The following BRAF variants were observed in gnomAD, a reference collection of about 807,000 sequenced individuals.
The protein encoded by BRAF is serine/threonine-protein kinase B-raf.
BRAF carries 16 observed loss-of-function variants against 104.6 expected under a neutral mutation model. The ratio of observed to expected loss-of-function variants is 0.15; its 90% CI spans 0.10 to 0.23. The LOEUF is 0.23. Ranked by LOEUF, BRAF falls within the 10% of genes least tolerant of loss-of-function variation. The pLI is 1.00. For synonymous variants in BRAF, 310 were observed against 341.6 expected, an observed-to-expected ratio of 0.91 and a Z score of 1.02; for missense variants, 541 against 937.3, an observed-to-expected ratio of 0.58 and a Z score of 5.52.
At chr7:140,833,695 AG>A (rs1562984862) in intron 3 of BRAF, among the ~76,000 whole-genome samples, 1 of 152,206 alleles carries the variant, frequency 6.6e-6, no homozygotes, top group Non-Finnish European at 1.5e-5. Flanking sequence ...GGGCAGAAAA[AG>A]TATGACTTTT....
intron 15 of BRAF, 79 bp from the exon 15 acceptor site, chr7:140,753,472 G>C (rs2128998725): frequency 1.1e-6 from 1 of 920,202 alleles, no homozygotes; most frequent in Non-Finnish European, 1.8e-6. Context: ...TTAGGTAAGA[G>C]ATCTAATTTC....
chr7:140,829,089 T>G (rs1806403711), intron 3 of BRAF, among the ~76,000 whole-genome samples: 1 of 152,130 alleles, frequency 6.6e-6, no homozygotes, highest in South Asian at 2.1e-4. Context: ...TCTTGCCAAT[T>G]TTGAAGTGTT....
intron 1 of BRAF, among the ~76,000 whole-genome samples, chr7:140,864,617 C>G (rs2129086293): frequency 6.6e-6 from 1 of 152,148 alleles, no homozygotes; most frequent in Middle Eastern, 3.4e-3. Context: ...AAGAAAGAAA[C>G]AGACACTGAG....
intron 14 of BRAF, among the ~76,000 whole-genome samples, chr7:140,769,736 C>T (rs1009063950): frequency 6.6e-6 from 1 of 151,732 alleles, no homozygotes; most frequent in African/African-American, 2.4e-5. Flanking sequence ...AAAAAATGTC[C>T]TTAATGTTTT....
rs182977424 is a variant in BRAF, at chr7:140,750,417, C to A, written c.1981-999G>T. ...GAGAATGACCCGCGGAGCCTTAAAC[C>A]CCTCAACGTCCAGACTACACTCCAG... On this transcript the variant is annotated intron_variant, in intron 16 of 19. Transcript: ENST00000644969. 1.5e-3 allele frequency among the ~76,000 whole-genome samples: 231 copies of A among 152,224 alleles called. 1 individual carries two copies. Among genetic ancestry groups the A allele is most frequent in the African/African-American group, 5.2e-3 (216 of 41,510 alleles).
chr7:140,735,889 A>T (rs1220232967), intron 18 of BRAF, among the ~76,000 whole-genome samples: 1 of 152,068 alleles, frequency 6.6e-6, no homozygotes, highest in East Asian at 1.9e-4. Context: ...AATTTTTTTT[A>T]AAAAGTAATC....
rs2129043661 is a variant in BRAF, at chr7:140,800,410, G to A, written c.932C>T (p.Ala311Val). 1.2e-6 allele frequency: 2 copies of A among 1,614,190 alleles called. No homozygotes were observed. Among genetic ancestry groups the A allele is most frequent in the Non-Finnish European group, 1.7e-6 (2 of 1,180,034 alleles). Reference protein sequence around the residue: ...PQEEASLAETALTSGSSPSAP... With the variant: ...PQEEASLAETVLTSGSSPSAP... ...GGAAGGGGATGATCCAGATGTTAGG[G>A]CAGTCTCTGCTAAGGACGCCTCTTC... Residue 311 changes from alanine to valine, a missense_variant, in exon 7 of 20, where the codon GCC becomes GTC. Physicochemically the swap from Ala to Val is moderately conservative, Grantham distance 64. This residue lies in a region of BRAF where 79 missense variants were observed against 74.6 expected (regional missense o/e 1.06). Coordinates refer to ENST00000644969, the MANE Select transcript of BRAF (RefSeq NM_001374258.1).
At chr7:140,775,403 A>G (rs192209855) in intron 14 of BRAF, among the ~76,000 whole-genome samples, 100 of 149,330 alleles carry the variant, frequency 6.7e-4, no homozygotes, top group African/African-American at 2.3e-3. Context: ...GCTGGAGTGC[A>G]ATGGTGTGAT....
chr7:140,720,963 A>G lies in BRAF; in HGVS notation c.*5531T>C. On this transcript the variant is annotated 3_prime_UTR_variant, in exon 20 of 20. Transcript: ENST00000644969. ...AGAACCAGCGGTCACGGTGCTGGAG[A>G]ATGAACTCGGCTGGCCGGGAGAAGC... is the stretch of plus-strand genomic sequence containing the variant. 4 of 1,065,140 alleles carry G rather than the reference A, an allele frequency of 3.8e-6. No homozygotes were observed. Among genetic ancestry groups the G allele is most frequent in the Non-Finnish European group, 4.5e-6 (4 of 879,208 alleles). The allele number at this position is 1,065,140 out of a possible 1,614,324, so 66.0% of individuals were successfully genotyped here. A position where few individuals can be genotyped will look rare whatever the true frequency, so the allele number is the denominator to read the frequency against.
At chr7:140,736,389 G>A (rs1796434042) in intron 18 of BRAF, among the ~76,000 whole-genome samples, 1 of 149,644 alleles carries the variant, frequency 6.7e-6, no homozygotes, top group Admixed American at 6.7e-5. Context: ...CTTTTTTTAT[G>A]TATAAAAATA....
intron 1 of BRAF, among the ~76,000 whole-genome samples, chr7:140,901,680 T>A (rs943181728): frequency 6.6e-6 from 1 of 152,170 alleles, no homozygotes; most frequent in Non-Finnish European, 1.5e-5. Context: ...CTAAATAAGG[T>A]TTAATTACTC....
intron 17 of BRAF, chr7:140,741,024 C>T (rs1176098865): frequency 3.9e-5 from 6 of 152,146 alleles, no homozygotes. Flanking sequence ...GTTGGAGCAA[C>T]AAGTGACAAG....
At chr7:140,880,975 C>A (rs1260346519) in intron 1 of BRAF, among the ~76,000 whole-genome samples, 3 of 152,058 alleles carry the variant, frequency 2.0e-5, no homozygotes, top group Non-Finnish European at 4.4e-5. Context: ...AAAAAGCACA[C>A]ACACATAGAA....
intron 19 of BRAF, chr7:140,731,806 CTCA>C (rs1041107093): frequency 4.6e-5 from 7 of 152,092 alleles, no homozygotes; most frequent in African/African-American, 1.7e-4. Flanking sequence ...AATCTTTTTC[CTCA>C]TCATTGATTA....
chr7:140,863,165 A>ATATAAATTTATAAAG (rs1810594281), intron 1 of BRAF, among the ~76,000 whole-genome samples: 1 of 152,208 alleles, frequency 6.6e-6, no homozygotes, highest in Non-Finnish European at 1.5e-5. Context: ...ATAAAGATAA[A>ATATAAATTTATAAAG]ACAAATGATT....
Position 140,720,590 on chromosome 7 carries a change from T to C in BRAF, c.*5904A>G, listed in dbSNP as rs1585883957. 1.5e-5 allele frequency: 16 copies of C among 1,065,672 alleles called. No homozygotes were observed. Among genetic ancestry groups the C allele is most frequent in the Non-Finnish European group, 1.8e-5 (16 of 879,550 alleles). 66.0% of individuals were successfully genotyped at this position (1,065,672 alleles called of 1,614,324 possible). A position where few individuals can be genotyped will look rare whatever the true frequency, so the allele number is the denominator to read the frequency against. ...ATAAAAAGCATACTTATTGCACTCT[T>C]ACATTTGATTTCAGGTAATTACAGT... On this transcript the variant is annotated 3_prime_UTR_variant, in exon 20 of 20. Coordinates refer to ENST00000644969, the MANE Select transcript of BRAF (RefSeq NM_001374258.1).
rs1257724827 is a variant in BRAF at position 140,774,429 on chromosome 7, T to C, written c.1814+2483A>G. On this transcript the variant is annotated intron_variant, in intron 14 of 19. Coordinates refer to ENST00000644969, the MANE Select transcript of BRAF (RefSeq NM_001374258.1). ...TTCAGACTGCAGCACTATTCCAATT[T>C]GATAATGTTCTTCTTTACTGTTACT... Among the ~76,000 whole-genome samples, 2 of 152,208 alleles carry C rather than the reference T, an allele frequency of 1.3e-5. 1 individual carries two copies. Among genetic ancestry groups the C allele is most frequent in the Non-Finnish European group, 2.9e-5 (2 of 68,024 alleles).
rs567956180 is a variant in BRAF, at chr7:140,824,723, T to C, written c.504+9886A>G. Among the ~76,000 whole-genome samples the C allele has an allele frequency of 2.0e-5, 3 of 151,674 alleles. No homozygotes were observed. The South Asian group carries it at 6.3e-4, about 32-fold the overall frequency. On this transcript the variant is annotated intron_variant, in intron 3 of 19. Coordinates refer to ENST00000644969, the MANE Select transcript of BRAF (RefSeq NM_001374258.1). ...TAAACTGCCAAATTTTATTCCAAAG[T>C]GGTTGTACCAATTAAACACTCCTAT...
At chr7:140,758,747 G>A (rs959505786) in intron 14 of BRAF, among the ~76,000 whole-genome samples, 1 of 152,182 alleles carries the variant, frequency 6.6e-6, no homozygotes, top group Admixed American at 6.5e-5. Context: ...AAGCCATCAG[G>A]TATTTTTCAC....
Sources: allele counts gnomAD v4.1 joint callset (sites outside exome capture counted in the v4.1 genomes callset), GRCh38; gene constraint gnomAD v4.1.1; regional missense constraint gnomAD v4.1.1; transcripts MANE v1.5; gene names NCBI Gene and HGNC (gene_info 2026-07-23, HGNC 2026-07-21).